The following PNLIPRP3 variants were observed in gnomAD, a reference collection of about 807,000 sequenced individuals.
PNLIPRP3 encodes pancreatic lipase-related protein 3.
A neutral mutation model predicts 52.8 loss-of-function variants in PNLIPRP3; 58 were observed. The observed-to-expected ratio is 1.10, with a 90% confidence interval of 0.89 to 1.37. The LOEUF (loss-of-function observed/expected upper bound fraction) is 1.37, where lower values mean the gene tolerates loss of function less well. Ranked by LOEUF, PNLIPRP3 falls within the 40% of genes most tolerant of loss-of-function variation. The pLI is 0.00. For missense variants in PNLIPRP3, 593 were observed against 561.6 expected (o/e 1.06, Z -0.57); for synonymous variants, 192 against 185.0 (o/e 1.04, Z -0.31).
At chr10:116,469,645 G>GTGGT (rs1846334616) in intron 9 of PNLIPRP3, among the ~76,000 whole-genome samples, 3 of 152,218 alleles carry the variant, frequency 2.0e-5, no homozygotes, top group Non-Finnish European at 4.4e-5. Context: ...AAGTATTCCA[G>GTGGT]GCAGAAGTGA....
chr10:116,455,762 GC>G lies in PNLIPRP3; in HGVS notation c.499del (p.His167ThrfsTer21). The stretch of plus-strand genomic sequence containing the variant: ...TCCCCTTCTAAAGTGCACTTGATTG[GC>G]CACAGCTTGGGAGCACACCTGGCTG... Reference protein sequence around the residue: ...EYSPSKVHLIGHSLGAHLAGE... With the variant: ...EYSPSKVHLIXHSLGAHLAGE... On this transcript the variant is annotated frameshift_variant, in exon 5 of 12. Coordinates refer to ENST00000369230, the MANE Select transcript of PNLIPRP3 (RefSeq NM_001011709.3). LOFTEE classifies it high-confidence loss of function. 3 of 1,613,856 alleles carry G rather than the reference GC, an allele frequency of 1.9e-6. No homozygotes were observed. The highest frequency in any genetic ancestry group is 2.5e-6 in the Non-Finnish European group (3 of 1,179,948).
At chr10:116,452,936 C>T (rs766482067) in intron 4 of PNLIPRP3, among the ~76,000 whole-genome samples, 2 of 152,220 alleles carry the variant, frequency 1.3e-5, no homozygotes, top group African/African-American at 2.4e-5. Flanking sequence ...TGGGGAACTG[C>T]CTAGTGGATC....
At chr10:116,451,145 C>T (rs1279713405) in intron 4 of PNLIPRP3, among the ~76,000 whole-genome samples, 1 of 152,156 alleles carries the variant, frequency 6.6e-6, no homozygotes, top group East Asian at 1.9e-4. Context: ...TGATCTTCCA[C>T]AAGGGTGCCA....
chr10:116,446,947 A>T (rs764753156), intron 4 of PNLIPRP3, among the ~76,000 whole-genome samples: 37 of 152,190 alleles, frequency 2.4e-4, no homozygotes, highest in Non-Finnish European at 5.1e-4. Flanking sequence ...TAATCACTTC[A>T]ATCTCACATG....
At chr10:116,444,593 C>A in intron 4 of PNLIPRP3, 80 bp downstream of exon 4, 6 of 1,381,544 alleles carry the variant, frequency 4.3e-6, no homozygotes, top group East Asian at 2.3e-5. Flanking sequence ...AATTTAATGT[C>A]TTTTTTTATT....
rs1846378981 is a variant in PNLIPRP3 at position 116,471,884 on chromosome 10, G to T, written c.1172+5G>T. On this transcript the variant is annotated splice_donor_5th_base_variant and intron_variant, in intron 10 of 11. Coordinates refer to ENST00000369230, the MANE Select transcript of PNLIPRP3 (RefSeq NM_001011709.3). ...TGGGGAGTTTGCCATTGTCAGGTAGGCAGAGTGAGAAACTGACGCTTTGCA... is the reference window on the plus strand; with the variant it reads ...TGGGGAGTTTGCCATTGTCAGGTAGTCAGAGTGAGAAACTGACGCTTTGCA... 1.3e-6 allele frequency: 2 copies of T among 1,545,408 alleles called. No homozygotes were observed. The highest frequency in any genetic ancestry group is 2.3e-5 in the East Asian group (1 of 44,330).
intron 2 of PNLIPRP3, among the ~76,000 whole-genome samples, chr10:116,441,803 A>G (rs1221804339): frequency 6.6e-6 from 1 of 152,170 alleles, no homozygotes; most frequent in African/African-American, 2.4e-5. Flanking sequence ...CCCTTTTCTA[A>G]TTTTTAAAAT....
At chr10:116,445,558 T>TATA (rs1554852740) in intron 4 of PNLIPRP3, among the ~76,000 whole-genome samples, 4 of 148,848 alleles carry the variant, frequency 2.7e-5, no homozygotes, top group Non-Finnish European at 4.5e-5. Context: ...CTTCTCTTTA[T>TATA]AAAAAAAAAA....
chr10:116,469,087 T>A (rs938447704), intron 8 of PNLIPRP3, 98 bp from the exon 9 acceptor site: 58 of 1,203,830 alleles, frequency 4.8e-5, no homozygotes, highest in Non-Finnish European at 6.3e-5. Context: ...TTTATTTAGA[T>A]CCTGGAGATT....
Position 116,471,806 on chromosome 10 carries a change from G to C in PNLIPRP3, c.1099G>C (p.Glu367Gln). The change falls in exon 10 of 12, where the codon GAA becomes CAA. Residue 367 changes from glutamate (E) to glutamine (Q), a missense_variant. Coordinates refer to ENST00000369230, the MANE Select transcript of PNLIPRP3 (RefSeq NM_001011709.3). ...HKLSVKLSGS[E>Q]VTQGTVFLRV... is the part of the protein sequence containing the mutation. ...ATTGTCTGTTAAACTCAGTGGAAGC[G>C]AAGTCACTCAAGGAACTGTCTTTCT... is the stretch of plus-strand genomic sequence containing the variant. 6.2e-7 allele frequency: 1 copy of C among 1,611,682 alleles called. No homozygotes were observed. The highest frequency in any genetic ancestry group is 8.5e-7 in the Non-Finnish European group (1 of 1,178,474).
At chr10:116,474,103 C>G (rs1160627467) in intron 10 of PNLIPRP3, among the ~76,000 whole-genome samples, 2 of 152,068 alleles carry the variant, frequency 1.3e-5, no homozygotes, top group African/African-American at 4.8e-5. Context: ...ACACATAGAC[C>G]CAACGGAATA....
chr10:116,431,109 C>A (rs1025900153), intron 1 of PNLIPRP3, among the ~76,000 whole-genome samples: 1 of 152,216 alleles, frequency 6.6e-6, no homozygotes, highest in Non-Finnish European at 1.5e-5. Context: ...GTCAGCACAA[C>A]TCTTTGGATC....
At chr10:116,439,851 C>G in intron 2 of PNLIPRP3, 1 of 780,822 alleles carries the variant, frequency 1.3e-6, no homozygotes, top group South Asian at 1.3e-5. Context: ...CTTTAATCAC[C>G]TTTGCCATTT....
intron 5 of PNLIPRP3, among the ~76,000 whole-genome samples, chr10:116,458,450 C>CT (rs5788165): frequency 9.8e-5 from 14 of 143,314 alleles, no homozygotes; most frequent in Non-Finnish European, 1.4e-4. Flanking sequence ...GAAAGACTGT[C>CT]TTTTTTTTTT....
chr10:116,452,699 G>C (rs2099312), intron 4 of PNLIPRP3, among the ~76,000 whole-genome samples: 134,804 of 152,268 alleles, frequency 0.89, 60,675 homozygotes, highest in Non-Finnish European at 0.97. Flanking sequence ...TCTGGAGGGT[G>C]CAAGCCATGA....
At chr10:116,469,970 CAA>C (rs34958696) in intron 9 of PNLIPRP3, among the ~76,000 whole-genome samples, 4,281 of 131,430 alleles carry the variant, frequency 0.033, 50 homozygotes, top group African/African-American at 0.038. Flanking sequence ...ACAATTCAGG[CAA>C]AAAAAAAAAA....
At chr10:116,438,681 T>C (rs1845813045) in intron 2 of PNLIPRP3, among the ~76,000 whole-genome samples, 1 of 152,208 alleles carries the variant, frequency 6.6e-6, no homozygotes, top group Non-Finnish European at 1.5e-5. Flanking sequence ...AAAGTGTTTT[T>C]CAACAACCAA....
chr10:116,474,118 A>G (rs890867606), intron 10 of PNLIPRP3, among the ~76,000 whole-genome samples: 1 of 152,146 alleles, frequency 6.6e-6, no homozygotes, highest in Non-Finnish European at 1.5e-5. Flanking sequence ...GGAATAGAGA[A>G]TAGAGAATCC....
intron 4 of PNLIPRP3, among the ~76,000 whole-genome samples, chr10:116,447,750 G>A (rs7073523): frequency 0.89 from 134,688 of 152,118 alleles, 60,619 homozygotes; most frequent in Non-Finnish European, 0.97. Context: ...AACCTGGTCA[G>A]CATGGTGAAA....
Sources: gnomAD v4.1 joint callset for allele counts (sites outside exome capture counted in the v4.1 genomes callset) on GRCh38, gnomAD v4.1.1 for gene constraint, MANE v1.5 for transcripts, NCBI Gene and HGNC (gene_info 2026-07-23, HGNC 2026-07-21) for gene names.